The following SIPA1L1 variants were observed in gnomAD, a reference collection of about 807,000 sequenced individuals.
The protein encoded by SIPA1L1 is signal-induced proliferation-associated 1-like protein 1.
SIPA1L1 carries 26 observed loss-of-function variants against 162.7 expected under a neutral mutation model. The observed-to-expected ratio is 0.16, with a 90% CI of 0.12 to 0.22. The LOEUF (loss-of-function observed/expected upper bound fraction) is 0.22, where lower values mean the gene tolerates loss of function less well. Ranked by LOEUF, SIPA1L1 falls within the 10% of genes least tolerant of loss-of-function variation. SIPA1L1 has a pLI of 1.00. For synonymous variants in SIPA1L1, 829 were observed against 837.4 expected, an observed-to-expected ratio of 0.99 and a Z score of 0.17; for missense variants, 1,874 against 2,241.0, an observed-to-expected ratio of 0.84 and a Z score of 3.31.
At chr14:71,706,558 A>G (rs1449766018) in intron 16 of SIPA1L1, among the ~76,000 whole-genome samples, 2 of 152,240 alleles carry the variant, frequency 1.3e-5, no homozygotes, top group Non-Finnish European at 2.9e-5. Flanking sequence ...ATAGCCACAC[A>G]TGACTAAGGG....
intron 2 of SIPA1L1, among the ~76,000 whole-genome samples, chr14:71,343,339 G>A (rs912618082): frequency 2.6e-5 from 4 of 152,132 alleles, no homozygotes; most frequent in African/African-American, 9.7e-5. Flanking sequence ...CATGTCAGGC[G>A]CTGGCTGTGG....
intron 15 of SIPA1L1, chr14:71,704,690 A>G (rs1221548586): frequency 5.1e-6 from 8 of 1,557,624 alleles, no homozygotes; most frequent in Non-Finnish European, 7.1e-6. Context: ...TAAGTAAACT[A>G]GTTGCTGTGT....
intron 3 of SIPA1L1, among the ~76,000 whole-genome samples, chr14:71,518,765 A>G (rs1315099693): frequency 1.3e-5 from 2 of 152,124 alleles, no homozygotes; most frequent in Non-Finnish European, 2.9e-5. Flanking sequence ...ACATGGCAAA[A>G]CACTGTGTAT....
chr14:71,503,527 T>A (rs1302538824), intron 2 of SIPA1L1, among the ~76,000 whole-genome samples: 4 of 152,218 alleles, frequency 2.6e-5, no homozygotes, highest in African/African-American at 9.6e-5. Flanking sequence ...TGCATCCAGT[T>A]CAGAGTGGCT....
At chr14:71,617,988 ATTAACTTAATT>A (rs1262130258) in intron 5 of SIPA1L1, among the ~76,000 whole-genome samples, 1 of 152,236 alleles carries the variant, frequency 6.6e-6, no homozygotes, top group Non-Finnish European at 1.5e-5. Context: ...TTTTCTATAA[ATTAACTTAATT>A]TTGATCCCTA....
intron 2 of SIPA1L1, among the ~76,000 whole-genome samples, chr14:71,501,885 A>T (rs1266463027): frequency 6.6e-6 from 1 of 151,818 alleles, no homozygotes; most frequent in Non-Finnish European, 1.5e-5. Flanking sequence ...AAATAAATAA[A>T]TAATACAAAA....
chr14:71,500,230 A>G (rs962049110), intron 2 of SIPA1L1, among the ~76,000 whole-genome samples: 5 of 152,156 alleles, frequency 3.3e-5, no homozygotes, highest in African/African-American at 7.2e-5. Context: ...TTTGCAACAC[A>G]TACATCCAAC....
chr14:71,383,845 C>A (rs1380299489), intron 2 of SIPA1L1, among the ~76,000 whole-genome samples: 1 of 152,218 alleles, frequency 6.6e-6, no homozygotes, highest in Non-Finnish European at 1.5e-5. Flanking sequence ...CCACCTTCCA[C>A]ACTGGGGAAC....
At chr14:71,391,352 G>A (rs898275634) in intron 2 of SIPA1L1, among the ~76,000 whole-genome samples, 2 of 152,096 alleles carry the variant, frequency 1.3e-5, no homozygotes, top group Non-Finnish European at 2.9e-5. Context: ...TGATCCGCCC[G>A]CCTTGGCCTC....
chr14:71,696,857 GC>G (rs2081668031), intron 13 of SIPA1L1, among the ~76,000 whole-genome samples: 1 of 152,206 alleles, frequency 6.6e-6, no homozygotes, highest in South Asian at 2.1e-4. Flanking sequence ...TGAATTCAAA[GC>G]TATGATGTTG....
chr14:71,325,641 G>A (rs1400826797), intron 2 of SIPA1L1, among the ~76,000 whole-genome samples: 1 of 152,178 alleles, frequency 6.6e-6, no homozygotes, highest in African/African-American at 2.4e-5. Context: ...ATAGAGAGAT[G>A]ACACCAAAAT....
intron 2 of SIPA1L1, among the ~76,000 whole-genome samples, chr14:71,431,965 G>A (rs1037319610): frequency 3.9e-5 from 6 of 152,090 alleles, no homozygotes; most frequent in Non-Finnish European, 7.4e-5. Context: ...ATAGACAGCC[G>A]TGTAGAAATA....
intron 2 of SIPA1L1, among the ~76,000 whole-genome samples, chr14:71,424,672 C>T (rs549854744): frequency 6.4e-4 from 98 of 151,966 alleles, no homozygotes; most frequent in African/African-American, 2.3e-3. Flanking sequence ...TTCAGTTTGC[C>T]AATATTTTGT....
intron 10 of SIPA1L1, among the ~76,000 whole-genome samples, chr14:71,661,675 C>T (rs930920385): frequency 1.3e-5 from 2 of 152,170 alleles, no homozygotes; most frequent in Non-Finnish European, 1.5e-5. Context: ...AGACACCTGC[C>T]GTTTCCATTT....
At chr14:71,723,989 G>T (rs535980149) in intron 18 of SIPA1L1, 103 bp downstream of exon 18, 26 of 1,402,170 alleles carry the variant, frequency 1.9e-5, no homozygotes, top group Admixed American at 4.6e-5. Flanking sequence ...CGGGCTAGGG[G>T]GTTGGCAGGA....
intron 2 of SIPA1L1, among the ~76,000 whole-genome samples, chr14:71,338,719 TTTTA>T (rs1279223773): frequency 2.0e-5 from 3 of 151,888 alleles, no homozygotes; most frequent in African/African-American, 7.2e-5. Flanking sequence ...GTTACTAGAT[TTTTA>T]TTTATTTTAT....
At chr14:71,366,558 C>G (rs562370625) in intron 2 of SIPA1L1, among the ~76,000 whole-genome samples, 2 of 152,072 alleles carry the variant, frequency 1.3e-5, no homozygotes, top group Non-Finnish European at 2.9e-5. Flanking sequence ...CTCAGCCTCT[C>G]GAGTAGCTGG....
In SIPA1L1 at chr14:71,440,917, T is replaced by C. The variant is rs368070246; in HGVS notation, c.-464-71826T>C. Among the ~76,000 whole-genome samples, 5 of 152,276 alleles carry C rather than the reference T, an allele frequency of 3.3e-5. No homozygotes were observed. The East Asian group carries it at 9.6e-4, about 29-fold the overall frequency. On this transcript the variant is annotated intron_variant, in intron 2 of 23. Coordinates refer to ENST00000381232, the MANE Select transcript of SIPA1L1 (RefSeq NM_001386936.1). ...GGTGAAGGTGCGTGATACCTCTTTTTTCATACTGAACTTGAATTTTGTCTT... is the reference window on the plus strand; with the variant it reads ...GGTGAAGGTGCGTGATACCTCTTTTCTCATACTGAACTTGAATTTTGTCTT...
At chr14:71,582,071 G>T (rs1431492000) in intron 4 of SIPA1L1, among the ~76,000 whole-genome samples, 1 of 152,124 alleles carries the variant, frequency 6.6e-6, no homozygotes, top group African/African-American at 2.4e-5. Context: ...CATGGGTTGG[G>T]TGCACTGGCT....
Sources: allele counts gnomAD v4.1 joint callset (sites outside exome capture counted in the v4.1 genomes callset), GRCh38; gene constraint gnomAD v4.1.1; transcripts MANE v1.5; gene names NCBI Gene and HGNC (gene_info 2026-07-23, HGNC 2026-07-21).